The following PCDH9 variants were observed in gnomAD, a reference collection of about 807,000 sequenced individuals.
The protein encoded by PCDH9 is protocadherin 9, also known as protocadherin-9.
Under a neutral mutation model 70.6 loss-of-function variants are expected in PCDH9, and 24 were observed. That is an observed-to-expected ratio of 0.34 (90% CI 0.25 to 0.48). The LOEUF (loss-of-function observed/expected upper bound fraction) is 0.48. PCDH9 is among the 20% of genes least tolerant of loss of function. PCDH9 has a pLI of 0.99. For missense variants in PCDH9, 1,281 were observed against 1,503.6 expected (o/e 0.85, Z 2.45); for synonymous variants, 562 against 558.5 (o/e 1.01, Z -0.09).
intron 4 of PCDH9, among the ~76,000 whole-genome samples, chr13:66,392,496 T>C (rs1957035236): frequency 6.6e-6 from 1 of 152,160 alleles, no homozygotes; most frequent in Non-Finnish European, 1.5e-5. Context: ...CTCCCCAGAA[T>C]GAAATCTTTA....
At chr13:66,987,170 T>A (rs928038620) in intron 2 of PCDH9, among the ~76,000 whole-genome samples, 5 of 152,090 alleles carry the variant, frequency 3.3e-5, no homozygotes, top group African/African-American at 1.2e-4. Context: ...ATTTAGATTT[T>A]GGATGTTTCC....
intron 2 of PCDH9, among the ~76,000 whole-genome samples, chr13:66,960,053 A>T (rs1222845916): frequency 6.6e-6 from 1 of 152,244 alleles, no homozygotes; most frequent in Non-Finnish European, 1.5e-5. Context: ...ACAAAGTCTC[A>T]GAGAATTATC....
At chr13:66,905,681 A>G (rs190852521) in intron 2 of PCDH9, among the ~76,000 whole-genome samples, 2 of 150,214 alleles carry the variant, frequency 1.3e-5, no homozygotes, top group Admixed American at 1.3e-4. Flanking sequence ...CCCCATGGAT[A>G]TATCATAAAA....
chr13:67,134,013 A>C (rs1399073532), intron 2 of PCDH9, among the ~76,000 whole-genome samples: 1 of 152,122 alleles, frequency 6.6e-6, no homozygotes, highest in African/African-American at 2.4e-5. Context: ...ATTCCACTCA[A>C]AATCAATAGC....
intron 2 of PCDH9, among the ~76,000 whole-genome samples, chr13:67,142,396 C>A (rs931043759): frequency 6.6e-6 from 1 of 152,026 alleles, no homozygotes; most frequent in Non-Finnish European, 1.5e-5. Context: ...GGTATTTTAC[C>A]AATTAGGACT....
intron 4 of PCDH9, among the ~76,000 whole-genome samples, chr13:66,360,665 T>C (rs1344167530): frequency 6.6e-6 from 1 of 152,058 alleles, no homozygotes; most frequent in African/African-American, 2.4e-5. Context: ...AAATTGAACA[T>C]AGTATTAGGC....
intron 3 of PCDH9, among the ~76,000 whole-genome samples, chr13:66,850,116 T>C (rs1226767173): frequency 6.6e-6 from 1 of 152,180 alleles, no homozygotes; most frequent in Non-Finnish European, 1.5e-5. Context: ...ACAATAATTT[T>C]GTGCCACTAA....
chr13:66,821,707 C>CTATTAA (rs1201805303), intron 3 of PCDH9, among the ~76,000 whole-genome samples: 1 of 152,074 alleles, frequency 6.6e-6, no homozygotes, highest in African/African-American at 2.4e-5. Flanking sequence ...ATAAAAATAC[C>CTATTAA]TATTAATTGT....
chr13:66,836,513 C>T (rs2081021539), intron 3 of PCDH9, among the ~76,000 whole-genome samples: 1 of 151,958 alleles, frequency 6.6e-6, no homozygotes, highest in African/African-American at 2.4e-5. Context: ...TGTATCTTCA[C>T]CTCAATCCTA....
At chr13:67,146,890 TTC>T (rs1594575187) in intron 2 of PCDH9, among the ~76,000 whole-genome samples, 2 of 152,220 alleles carry the variant, frequency 1.3e-5, no homozygotes, top group East Asian at 3.9e-4. Context: ...CTTCCTCCTT[TTC>T]TCTCTTTTCT....
At chr13:66,446,322 AT>A (rs1958089883) in intron 4 of PCDH9, among the ~76,000 whole-genome samples, 1 of 152,054 alleles carries the variant, frequency 6.6e-6, no homozygotes, top group African/African-American at 2.4e-5. Context: ...ACACTCAGAA[AT>A]GTTTAAAAAA....
chr13:66,379,281 C>T (rs1336389038), intron 4 of PCDH9, among the ~76,000 whole-genome samples: 11 of 152,006 alleles, frequency 7.2e-5, no homozygotes, highest in Admixed American at 2.0e-4. Context: ...ACAGGTTTTT[C>T]GGAGTGAAAA....
intron 4 of PCDH9, among the ~76,000 whole-genome samples, chr13:66,336,816 A>G (rs2138134022): frequency 6.6e-6 from 1 of 152,186 alleles, no homozygotes; most frequent in African/African-American, 2.4e-5. Context: ...ACCTCAGCCC[A>G]GAAGCATCTT....
intron 2 of PCDH9, among the ~76,000 whole-genome samples, chr13:66,942,335 A>G (rs1413255257): frequency 6.6e-6 from 1 of 151,906 alleles, no homozygotes; most frequent in African/African-American, 2.4e-5. Context: ...CAGAAAGCAG[A>G]AAAACAACAG....
intron 3 of PCDH9, among the ~76,000 whole-genome samples, chr13:66,840,948 CT>C (rs1202082027): frequency 1.5e-4 from 23 of 152,284 alleles, no homozygotes; most frequent in Admixed American, 1.2e-3. Flanking sequence ...AAATATACCC[CT>C]GGATGCTCTG....
chr13:66,968,539 AG>A (rs1392314145), intron 2 of PCDH9, among the ~76,000 whole-genome samples: 2 of 152,026 alleles, frequency 1.3e-5, no homozygotes, highest in Non-Finnish European at 2.9e-5. Context: ...ATTAGAGTGG[AG>A]GACCTTATTT....
chr13:66,394,084 G>C (rs1010721532), intron 4 of PCDH9, among the ~76,000 whole-genome samples: 1 of 152,112 alleles, frequency 6.6e-6, no homozygotes, highest in Non-Finnish European at 1.5e-5. Context: ...TAGTGGGCTG[G>C]GATTTGGTGG....
intron 3 of PCDH9, among the ~76,000 whole-genome samples, chr13:66,720,161 A>T (rs962577534): frequency 2.7e-5 from 4 of 149,706 alleles, no homozygotes; most frequent in African/African-American, 7.4e-5. Flanking sequence ...TTTTATTTTT[A>T]TTTTTTTTTG....
chr13:66,732,304 A>G (rs553963994), intron 3 of PCDH9, among the ~76,000 whole-genome samples: 94 of 151,998 alleles, frequency 6.2e-4, no homozygotes, highest in African/African-American at 2.2e-3. Context: ...TTTGAAATAT[A>G]CAGTAAATTA....
Sources: allele counts gnomAD v4.1 joint callset (sites outside exome capture counted in the v4.1 genomes callset), GRCh38; gene constraint gnomAD v4.1.1; transcripts MANE v1.5; gene names NCBI Gene and HGNC (gene_info 2026-07-23, HGNC 2026-07-21).